The following UBR3 variants were observed in gnomAD, a reference collection of about 807,000 sequenced individuals.
UBR3 encodes ubiquitin protein ligase E3 component n-recognin 3, also known as E3 ubiquitin-protein ligase UBR3.
A neutral mutation model predicts 243.2 loss-of-function variants in UBR3; 85 were observed. The observed-to-expected ratio is 0.35, with a 90% confidence interval of 0.29 to 0.42. The LOEUF is 0.42. Ranked by LOEUF, UBR3 falls within the 10% of genes least tolerant of loss-of-function variation. The pLI, the probability that UBR3 is intolerant of heterozygous loss-of-function variation, is 1.00. For missense variants in UBR3, 1,686 were observed against 2,300.8 expected (o/e 0.73, Z 5.47); for synonymous variants, 748 against 799.8 (o/e 0.94, Z 1.09).
chr2:169,864,530 G>C (rs1290659232), intron 1 of UBR3, among the ~76,000 whole-genome samples: 1 of 152,034 alleles, frequency 6.6e-6, no homozygotes, highest in East Asian at 1.9e-4. Context: ...TTGGGAGGCC[G>C]ATGCAGGCAG....
intron 31 of UBR3, among the ~76,000 whole-genome samples, chr2:170,034,304 G>A (rs2090767303): frequency 1.3e-5 from 2 of 151,858 alleles, no homozygotes; most frequent in Non-Finnish European, 2.9e-5. Context: ...TAGTTTCACT[G>A]TCCTAAAAAA....
intron 11 of UBR3, among the ~76,000 whole-genome samples, chr2:169,922,184 G>T (rs913326538): frequency 6.6e-6 from 1 of 151,820 alleles, no homozygotes; most frequent in Non-Finnish European, 1.5e-5. Context: ...TGCTCAGGGG[G>T]CCGAGGAGGG....
At chr2:169,953,179 G>GT (rs2087116678) in intron 23 of UBR3, among the ~76,000 whole-genome samples, 1 of 152,130 alleles carries the variant, frequency 6.6e-6, no homozygotes, top group African/African-American at 2.4e-5. Flanking sequence ...GGCTTTCTTT[G>GT]TGATAGGTTT....
chr2:169,990,118 GCCATGTTCTTCAAA>G (rs1258781072), intron 25 of UBR3, among the ~76,000 whole-genome samples: 1 of 152,186 alleles, frequency 6.6e-6, no homozygotes, highest in Non-Finnish European at 1.5e-5. Context: ...ATACTTTATT[GCCATGTTCTTCAAA>G]CCATGTATTA....
In UBR3 at chr2:169,925,683, C is replaced by T; in HGVS notation, c.2087C>T (p.Ala696Val). The change falls in exon 14 of 39, where the codon GCC becomes GTC. Residue 696 changes from alanine to valine, a missense_variant. By Grantham distance (64) the Ala-to-Val change is moderately conservative. Around this residue, in one of 8 missense-constraint regions of UBR3, gnomAD observed 346 missense variants for 585.8 expected, o/e 0.59. Coordinates refer to ENST00000272793, the MANE Select transcript of UBR3 (RefSeq NM_172070.4). ...AATGGTCTGCAAATCAAAGGACAAG[C>T]CATGACGTATGTCCAGTCTCATTTC... ...VRNGLQIKGQ[A>V]MTYVQSHFCN... 1 of 1,550,994 alleles carries T rather than the reference C, an allele frequency of 6.4e-7. No homozygotes were observed. Among genetic ancestry groups the T allele is most frequent in the Non-Finnish European group, 8.7e-7 (1 of 1,146,592 alleles).
At position 169,953,462 on chromosome 2, in the gene UBR3, A is replaced by G. The variant is rs1164184690; in HGVS notation, c.3545+3397A>G. On this transcript the variant is annotated intron_variant, in intron 23 of 38. Transcript: ENST00000272793. ...ACAAGATGCAAGCAGAAAACATTAG[A>G]TGGTTGTAATAAAATGCAGCTTCAA... 2.6e-5 allele frequency among the ~76,000 whole-genome samples: 4 copies of G among 152,330 alleles called. No individual in the cohort carries two copies. The East Asian group carries it at 5.8e-4, about 22-fold the overall frequency.
intron 19 of UBR3, among the ~76,000 whole-genome samples, chr2:169,936,786 C>T (rs1379998388): frequency 3.9e-5 from 6 of 151,974 alleles, no homozygotes; most frequent in South Asian, 2.1e-4. Flanking sequence ...GTTTTCTGTC[C>T]TTGCGACAGT....
At chr2:170,068,552 T>C (rs72876454) in intron 35 of UBR3, among the ~76,000 whole-genome samples, 1 of 152,034 alleles carries the variant, frequency 6.6e-6, no homozygotes, top group African/African-American at 2.4e-5. Flanking sequence ...CATATGAAGC[T>C]AGAAATAGAG....
At chr2:169,903,373 C>T (rs2084901551) in intron 8 of UBR3, among the ~76,000 whole-genome samples, 1 of 152,134 alleles carries the variant, frequency 6.6e-6, no homozygotes, top group African/African-American at 2.4e-5. Flanking sequence ...TCCCAACATT[C>T]CTTAGCACTG....
chr2:169,869,850 C>G (rs2083381864), intron 1 of UBR3, among the ~76,000 whole-genome samples: 1 of 152,070 alleles, frequency 6.6e-6, no homozygotes, highest in Non-Finnish European at 1.5e-5. Flanking sequence ...CTTGATTTTT[C>G]TGTTGAATTC....
At chr2:169,941,872 T>G (rs2086604754) in intron 19 of UBR3, among the ~76,000 whole-genome samples, 2 of 152,172 alleles carry the variant, frequency 1.3e-5, no homozygotes, top group Non-Finnish European at 2.9e-5. Context: ...GCTAATTCAT[T>G]CTCCTTGTGA....
At position 169,827,943 on chromosome 2, in the gene UBR3, G is replaced by T; in HGVS notation, c.436G>T (p.Ala146Ser). The change falls in exon 1 of 39, where the codon GCC becomes TCC. Residue 146 changes from alanine to serine, a missense_variant. By Grantham distance (99) the Ala-to-Ser change is moderately conservative (BLOSUM62 1). This residue lies in a region of UBR3 where 145 missense variants were observed against 243.8 expected (regional missense o/e 0.59). Transcript: ENST00000272793. ...CGISPCMSLCAECFHQGDHTG... is the reference protein window; with the variant it reads ...CGISPCMSLCSECFHQGDHTG... ...CATCTCGCCCTGCATGTCGCTGTGC[G>T]CCGAGTGCTTCCACCAGGGCGACCA... The T allele has an allele frequency of 6.7e-7, 1 of 1,481,558 alleles. No homozygotes were observed. Among genetic ancestry groups the T allele is most frequent in the Non-Finnish European group, 9.0e-7 (1 of 1,115,086 alleles). The allele number at this position is 1,481,558 out of a possible 1,614,324, so 91.8% of individuals were successfully genotyped here.
intron 2 of UBR3, among the ~76,000 whole-genome samples, chr2:169,873,778 C>G (rs909934918): frequency 1.3e-5 from 2 of 152,112 alleles, no homozygotes; most frequent in Non-Finnish European, 2.9e-5. Context: ...ATGAAGGAAC[C>G]AGTTACTAGC....
intron 30 of UBR3, among the ~76,000 whole-genome samples, chr2:170,023,208 A>G (rs905835912): frequency 7.6e-4 from 116 of 152,056 alleles, no homozygotes; most frequent in African/African-American, 2.6e-3. Flanking sequence ...CCTGGGCTCA[A>G]ATAATCCTCC....
intron 30 of UBR3, among the ~76,000 whole-genome samples, chr2:170,025,911 A>G (rs923104817): frequency 6.6e-6 from 1 of 152,158 alleles, no homozygotes. Context: ...GGAAATTAAC[A>G]TTGGAGCTGG....
chr2:169,979,145 T>A (rs2088603002), intron 24 of UBR3, among the ~76,000 whole-genome samples: 1 of 152,184 alleles, frequency 6.6e-6, no homozygotes, highest in South Asian at 2.1e-4. Flanking sequence ...GGTAAATAAG[T>A]ATGTCAAAAG....
At chr2:170,016,133 T>C in intron 30 of UBR3, among the ~76,000 whole-genome samples, 1 of 151,904 alleles carries the variant, frequency 6.6e-6, no homozygotes, top group Non-Finnish European at 1.5e-5. Context: ...TACTAAAAAA[T>C]AGTAAGTATT....
intron 1 of UBR3, among the ~76,000 whole-genome samples, chr2:169,871,354 T>G (rs1488539030): frequency 6.6e-6 from 1 of 150,892 alleles, no homozygotes; most frequent in African/African-American, 2.4e-5. Flanking sequence ...GTGGGAGGAT[T>G]GCTTGAGCCC....
chr2:170,016,139 GTA>G (rs1238828718), intron 30 of UBR3, among the ~76,000 whole-genome samples: 19 of 151,682 alleles, frequency 1.3e-4, no homozygotes, highest in African/African-American at 4.3e-4. Context: ...AAAATAGTAA[GTA>G]TTAAAAATTA....
Sources: gnomAD v4.1 joint callset for allele counts (sites outside exome capture counted in the v4.1 genomes callset) on GRCh38, gnomAD v4.1.1 for gene constraint, gnomAD v4.1.1 regional missense constraint, MANE v1.5 for transcripts, NCBI Gene and HGNC (gene_info 2026-07-23, HGNC 2026-07-21) for gene names.